The following RNF150 variants were observed in gnomAD, a reference collection of about 807,000 sequenced individuals.
The protein encoded by RNF150 is ring finger protein 150.
A neutral mutation model predicts 39.3 loss-of-function variants in RNF150; 24 were observed. The ratio of observed to expected loss-of-function variants is 0.61; its 90% CI spans 0.44 to 0.86. The LOEUF (loss-of-function observed/expected upper bound fraction) is 0.86. Ranked by LOEUF, RNF150 falls within the 40% of genes least tolerant of loss-of-function variation. The probability of loss-of-function intolerance (pLI) is 0.00; values close to 1 mark genes in which losing one functional copy is unlikely to be tolerated. For synonymous variants in RNF150, 255 were observed against 227.3 expected (o/e 1.12, Z -1.10); for missense variants, 502 against 587.8 (o/e 0.85, Z 1.51).
intron 6 of RNF150, among the ~76,000 whole-genome samples, chr4:140,887,555 T>C (rs10032516): frequency 0.027 from 4,121 of 152,308 alleles, 124 homozygotes; most frequent in African/African-American, 0.077. Flanking sequence ...TTCAGTGTTG[T>C]TGGATGTAGG....
At chr4:141,074,777 G>A (rs1402156141) in intron 1 of RNF150, among the ~76,000 whole-genome samples, 2 of 152,140 alleles carry the variant, frequency 1.3e-5, no homozygotes, top group Non-Finnish European at 2.9e-5. Context: ...TGCTGTTTGT[G>A]ATACAAGAAA....
intron 1 of RNF150, among the ~76,000 whole-genome samples, chr4:141,139,812 AGT>A (rs1727088195): frequency 6.6e-6 from 1 of 152,194 alleles, no homozygotes; most frequent in Admixed American, 6.5e-5. Flanking sequence ...CAAGTATAAG[AGT>A]GGGGGTTGTA....
chr4:141,082,806 T>C (rs908755732), intron 1 of RNF150, among the ~76,000 whole-genome samples: 7 of 152,154 alleles, frequency 4.6e-5, no homozygotes, highest in African/African-American at 1.7e-4. Flanking sequence ...GCCGGGATGG[T>C]CTCGATCTCC....
intron 1 of RNF150, among the ~76,000 whole-genome samples, chr4:141,117,196 C>A (rs1739576962): frequency 6.6e-6 from 1 of 152,036 alleles, no homozygotes; most frequent in African/African-American, 2.4e-5. Flanking sequence ...GGTGGCAAGG[C>A]TTGACTTGTG....
intron 5 of RNF150, among the ~76,000 whole-genome samples, chr4:140,920,385 A>G (rs1252353674): frequency 6.8e-6 from 1 of 147,750 alleles, no homozygotes; most frequent in African/African-American, 2.5e-5. Context: ...AAGGACATGA[A>G]CAGACACTTC....
intron 1 of RNF150, among the ~76,000 whole-genome samples, chr4:141,161,955 C>T (rs1007895567): frequency 1.3e-5 from 2 of 152,196 alleles, no homozygotes; most frequent in Admixed American, 1.3e-4. Context: ...AGAACCTCTA[C>T]TAGGGTAATG....
At chr4:141,127,214 A>G (rs1408454254) in intron 1 of RNF150, among the ~76,000 whole-genome samples, 1 of 152,186 alleles carries the variant, frequency 6.6e-6, no homozygotes, top group Non-Finnish European at 1.5e-5. Context: ...TCGTCTATCA[A>G]ACGGAGACAG....
At chr4:140,931,331 A>T (rs977728054) in intron 4 of RNF150, among the ~76,000 whole-genome samples, 4 of 152,214 alleles carry the variant, frequency 2.6e-5, no homozygotes, top group Admixed American at 1.3e-4. Flanking sequence ...AAACTGCTGA[A>T]ATGCCACACA....
intron 1 of RNF150, among the ~76,000 whole-genome samples, chr4:141,156,722 T>C (rs113674974): frequency 2.2e-3 from 292 of 135,278 alleles, no homozygotes; most frequent in African/African-American, 7.7e-3. Context: ...GGCAAAACCC[T>C]GTCTCTACTA....
Position 141,123,773 on chromosome 4 carries a change from T to C in RNF150, c.484+8552A>G, listed in dbSNP as rs138848240. On this transcript the variant is annotated intron_variant, in intron 1 of 6. Coordinates refer to ENST00000515673, the MANE Select transcript of RNF150 (RefSeq NM_020724.2). Reference sequence around the variant, plus strand: ...ATGTCCAAGTGTTCTCATTGTTCAATTCCCACCTATGAGTGAGAACATGTG... The same window carrying C: ...ATGTCCAAGTGTTCTCATTGTTCAACTCCCACCTATGAGTGAGAACATGTG... 8.1e-3 allele frequency among the ~76,000 whole-genome samples: 1,240 copies of C among 152,246 alleles called. 18 individuals are homozygous for C. The highest frequency in any genetic ancestry group is 0.028 in the African/African-American group (1,155 of 41,554).
At chr4:141,055,163 A>T (rs1736920773) in intron 1 of RNF150, among the ~76,000 whole-genome samples, 1 of 152,134 alleles carries the variant, frequency 6.6e-6, no homozygotes, top group African/African-American at 2.4e-5. Flanking sequence ...GGCAATGTAA[A>T]ATGAAGATTG....
At chr4:141,108,389 T>C (rs1231557645) in intron 1 of RNF150, among the ~76,000 whole-genome samples, 1 of 152,194 alleles carries the variant, frequency 6.6e-6, no homozygotes, top group African/African-American at 2.4e-5. Context: ...TTAGAATACG[T>C]ACTGGTACAT....
chr4:140,959,795 T>C (rs1328262831), intron 2 of RNF150, among the ~76,000 whole-genome samples: 2 of 151,742 alleles, frequency 1.3e-5, no homozygotes, highest in South Asian at 2.1e-4. Flanking sequence ...TTCCAGATAG[T>C]GGTAAGAATT....
intron 2 of RNF150, among the ~76,000 whole-genome samples, chr4:140,957,099 A>G (rs1732788337): frequency 6.7e-6 from 1 of 149,644 alleles, no homozygotes; most frequent in Non-Finnish European, 1.5e-5. Flanking sequence ...AAAAGAAACT[A>G]CCATCAGAGT....
chr4:141,101,757 A>AT lies in RNF150; in HGVS notation c.484+30567dup, dbSNP rs549714018. 2.0e-5 allele frequency among the ~76,000 whole-genome samples: 3 copies of AT among 152,138 alleles called. No homozygotes were observed. The South Asian group carries it at 6.2e-4, about 32-fold the overall frequency. Reference sequence around the variant, plus strand: ...GCTACAACGTCACCAGGTTGTAGAAATTTTTTAGCTCCATTATAATCTTTT... The same window carrying AT: ...GCTACAACGTCACCAGGTTGTAGAAATTTTTTTAGCTCCATTATAATCTTTT... On this transcript the variant is annotated intron_variant, in intron 1 of 6. Transcript: ENST00000515673.
In RNF150 at chr4:141,027,952, T is replaced by TTTTTTTTG. The variant is rs1553938684; in HGVS notation, c.485-60080_485-60079insCAAAAAAA. 2.8e-3 allele frequency among the ~76,000 whole-genome samples: 199 copies of TTTTTTTTG among 71,578 alleles called. 55 individuals are homozygous for TTTTTTTTG. The highest frequency in any genetic ancestry group is 4.1e-3 in the Non-Finnish European group (142 of 34,310). The allele number at this position is 71,578 out of a possible 152,430, so 47.0% of individuals were successfully genotyped here. ...TTTTTTTTTTTTTTTTTTTTTTTTTTCAATCCTGCTGGATCAAGATGTATA... is the reference window on the plus strand; with the variant it reads ...TTTTTTTTTTTTTTTTTTTTTTTTTTTTTTTTTGCAATCCTGCTGGATCAAGATGTATA... On this transcript the variant is annotated intron_variant, in intron 1 of 6. Coordinates refer to ENST00000515673, the MANE Select transcript of RNF150 (RefSeq NM_020724.2).
chr4:141,107,971 T>C lies in RNF150; in HGVS notation c.484+24354A>G, dbSNP rs546338790. Among the ~76,000 whole-genome samples the C allele has an allele frequency of 3.7e-4, 56 of 152,354 alleles. 2 individuals are homozygous for C. In the South Asian group the frequency reaches 0.012, roughly 32 times the overall value. ...CTTTGACAAAATCCAGGACATTGAT[T>C]ACATTTTTTATTACAATTCCAATGG... On this transcript the variant is annotated intron_variant, in intron 1 of 6. Transcript: ENST00000515673.
intron 1 of RNF150, among the ~76,000 whole-genome samples, chr4:141,165,238 G>A (rs1427560971): frequency 6.6e-6 from 1 of 152,186 alleles, no homozygotes; most frequent in East Asian, 1.9e-4. Flanking sequence ...AATGCAACAA[G>A]AAGAGCTAAC....
intron 5 of RNF150, among the ~76,000 whole-genome samples, chr4:140,923,397 A>C (rs1731243148): frequency 6.6e-6 from 1 of 152,234 alleles, no homozygotes; most frequent in South Asian, 2.1e-4. Flanking sequence ...CCATCAGAGA[A>C]ATGCAAATCA....
Sources: gnomAD v4.1 joint callset for allele counts (sites outside exome capture counted in the v4.1 genomes callset) on GRCh38, gnomAD v4.1.1 for gene constraint, MANE v1.5 for transcripts, NCBI Gene and HGNC (gene_info 2026-07-23, HGNC 2026-07-21) for gene names.